HSF2: variants seen among roughly 807,000 people sequenced by gnomAD.
HSF2 encodes the protein heat shock transcription factor 2, also known as heat shock factor protein 2.
A neutral mutation model predicts 65.0 loss-of-function variants in HSF2; 21 were observed. That is an observed-to-expected ratio of 0.32 (90% CI 0.23 to 0.47). The LOEUF is 0.47. Ranked by LOEUF, HSF2 falls within the 20% of genes least tolerant of loss-of-function variation. The probability of loss-of-function intolerance (pLI) is 1.00; values close to 1 mark genes in which losing one functional copy is unlikely to be tolerated. For synonymous variants in HSF2, 225 were observed against 219.1 expected, an observed-to-expected ratio of 1.03 and a Z score of -0.24; for missense variants, 499 against 628.1, an observed-to-expected ratio of 0.79 and a Z score of 2.20.
In HSF2 at chr6:122,399,652, G is replaced by C; in HGVS notation, c.-86G>C. 5 of 991,764 alleles carry C rather than the reference G, an allele frequency of 5.0e-6. No individual in the cohort carries two copies. Among genetic ancestry groups the C allele is most frequent in the Non-Finnish European group, 7.6e-6 (5 of 656,156 alleles). 61.4% of individuals were successfully genotyped at this position (991,764 alleles called of 1,614,324 possible). ...GATCTGCTGCGCCTGCGTTGTGGGC[G>C]TTCTCGGGGAGCTGCTGCCGTAGCT... is the stretch of plus-strand genomic sequence containing the variant. On this transcript the variant is annotated 5_prime_UTR_variant, in exon 1 of 13. Transcript: ENST00000368455.
At position 122,416,322 on chromosome 6, in the gene HSF2, A is replaced by T. The variant is rs768281330; in HGVS notation, c.531+26A>T. ...GTAAGAAGCTCTTTTCCCCAGGACC[A>T]TAATTTGCATTTGTTTAATGAGTAC... On this transcript the variant is annotated intron_variant, in intron 5 of 12. Transcript: ENST00000368455. The T allele has an allele frequency of 3.9e-6, 6 of 1,536,058 alleles. No individual in the cohort carries two copies. In the Admixed American group the frequency reaches 1.0e-4, roughly 26 times the overall value.
intron 5 of HSF2, among the ~76,000 whole-genome samples, chr6:122,417,895 C>G (rs1017012797): frequency 1.3e-5 from 2 of 152,146 alleles, no homozygotes; most frequent in African/African-American, 2.4e-5. Flanking sequence ...TTAACATTTT[C>G]TCTTGAATAA....
rs754350285 is a variant in HSF2, at chr6:122,422,950, T to C, written c.1063T>C (p.Leu355=). 3 of 1,613,450 alleles carry C rather than the reference T, an allele frequency of 1.9e-6. No individual in the cohort carries two copies. Among genetic ancestry groups the C allele is most frequent in the East Asian group, 2.2e-5 (1 of 44,864 alleles). Residue 355 remains leucine, a synonymous_variant, in exon 9 of 13, where the codon TTG becomes CTG. Coordinates refer to ENST00000368455, the MANE Select transcript of HSF2 (RefSeq NM_004506.4). ...DSILNDNINL[L]GKVELLDYLD... The stretch of plus-strand genomic sequence containing the variant: ...CATTTTGAATGATAACATCAATCTT[T>C]TGGGAAAGTGAGTGCTTATCTAGAT...
chr6:122,432,049 C>CT lies in HSF2; in HGVS notation c.1440_1441insT (p.Ile481TyrfsTer4). 1 of 1,614,034 alleles carries CT rather than the reference C, an allele frequency of 6.2e-7. No homozygotes were observed. The highest frequency in any genetic ancestry group is 8.5e-7 in the Non-Finnish European group (1 of 1,179,978). ...AAGTTTTGTCCTCTGTAGATAAACC[C>CT]ATAGAAGTTGATGAGCTTCTGGATA... On this transcript the variant is annotated frameshift_variant, in exon 13 of 13. Coordinates refer to ENST00000368455, the MANE Select transcript of HSF2 (RefSeq NM_004506.4). LOFTEE classifies it high-confidence loss of function.
intron 1 of HSF2, among the ~76,000 whole-genome samples, chr6:122,409,440 G>A (rs985538387): frequency 6.6e-6 from 1 of 151,912 alleles, no homozygotes; most frequent in Non-Finnish European, 1.5e-5. Flanking sequence ...TGGAGAAGGG[G>A]GGTTTAAAAT....
chr6:122,414,166 T>C (rs1774069540), intron 4 of HSF2, among the ~76,000 whole-genome samples: 1 of 152,178 alleles, frequency 6.6e-6, no homozygotes, highest in South Asian at 2.1e-4. Flanking sequence ...AAAAGTGTTA[T>C]TCAGAGCTTT....
chr6:122,418,924 A>C (rs934783099), intron 5 of HSF2, among the ~76,000 whole-genome samples: 11 of 152,172 alleles, frequency 7.2e-5, no homozygotes, highest in Non-Finnish European at 1.5e-4. Context: ...ACTTGAAGTA[A>C]AAAAGTTGGG....
chr6:122,420,658 C>T (rs546762010), intron 7 of HSF2, among the ~76,000 whole-genome samples: 206 of 56,650 alleles, frequency 3.6e-3, no homozygotes, highest in African/African-American at 0.012. Context: ...CTTGATGTTG[C>T]TTTTGAGATT....
chr6:122,417,298 T>G (rs1326430374), intron 5 of HSF2, among the ~76,000 whole-genome samples: 1 of 152,182 alleles, frequency 6.6e-6, no homozygotes, highest in Non-Finnish European at 1.5e-5. Flanking sequence ...AAACAATAGA[T>G]GTACCTTAAC....
chr6:122,404,404 A>G (rs1312562309), intron 1 of HSF2, among the ~76,000 whole-genome samples: 1 of 152,190 alleles, frequency 6.6e-6, no homozygotes, highest in Non-Finnish European at 1.5e-5. Context: ...AAGTTGAAAG[A>G]TTGATTTTCA....
At chr6:122,417,974 AT>A (rs1386139823) in intron 5 of HSF2, among the ~76,000 whole-genome samples, 2 of 152,074 alleles carry the variant, frequency 1.3e-5, no homozygotes, top group Non-Finnish European at 2.9e-5. Context: ...AAATGTCTAT[AT>A]TTTTTTCCAT....
intron 10 of HSF2, among the ~76,000 whole-genome samples, chr6:122,426,159 G>C (rs1359326086): frequency 6.6e-6 from 1 of 151,942 alleles, no homozygotes; most frequent in Non-Finnish European, 1.5e-5. Context: ...GAATTACGCT[G>C]TATTGTCATA....
chr6:122,401,253 A>G (rs763927926), intron 1 of HSF2, among the ~76,000 whole-genome samples: 5 of 152,232 alleles, frequency 3.3e-5, no homozygotes, highest in Non-Finnish European at 5.9e-5. Context: ...ACTAGCATGT[A>G]CTTAAAATAA....
chr6:122,422,137 T>G lies in HSF2; in HGVS notation c.682-13T>G. 1 of 1,553,472 alleles carries G rather than the reference T, an allele frequency of 6.4e-7. No homozygotes were observed. Among genetic ancestry groups the G allele is most frequent in the Non-Finnish European group, 8.7e-7 (1 of 1,147,644 alleles). ...TTTGATTTTTAGATATATTTTTCTC[T>G]CTGAATTTTTAGGTTCCACACAGTA... On this transcript the variant is annotated splice_polypyrimidine_tract_variant and intron_variant, in intron 7 of 12. Coordinates refer to ENST00000368455, the MANE Select transcript of HSF2 (RefSeq NM_004506.4).
chr6:122,400,477 T>A (rs1025525708), intron 1 of HSF2, among the ~76,000 whole-genome samples: 2 of 152,234 alleles, frequency 1.3e-5, no homozygotes, highest in Non-Finnish European at 2.9e-5. Flanking sequence ...TTATTAGGAT[T>A]GTTTTAATAA....
intron 8 of HSF2, among the ~76,000 whole-genome samples, 160 bp from the exon 9 acceptor site, chr6:122,422,558 A>C (rs187195922): frequency 2.6e-5 from 4 of 152,194 alleles, no homozygotes; most frequent in Non-Finnish European, 4.4e-5. Context: ...ATGGTCTTCT[A>C]TACTATGAAG....
At chr6:122,419,779 G>T (rs1291702914) in intron 6 of HSF2, among the ~76,000 whole-genome samples, 1 of 152,074 alleles carries the variant, frequency 6.6e-6, no homozygotes, top group African/African-American at 2.4e-5. Flanking sequence ...TATGATCAGA[G>T]CTTTATGGCC....
rs1774507264 is a variant in HSF2, at chr6:122,432,836, CG to C, written c.*621del. The C allele has an allele frequency of 6.6e-6, 1 of 152,140 alleles. No homozygotes were observed. The highest frequency in any genetic ancestry group is 2.4e-5 in the African/African-American group (1 of 41,400). 9.4% of individuals were successfully genotyped at this position (152,140 alleles called of 1,614,324 possible). A position where few individuals can be genotyped will look rare whatever the true frequency, so the allele number is the denominator to read the frequency against. On this transcript the variant is annotated 3_prime_UTR_variant, in exon 13 of 13. Coordinates refer to ENST00000368455, the MANE Select transcript of HSF2 (RefSeq NM_004506.4). Reference sequence around the variant, plus strand: ...TCCAGCTCCATATATATAGAAAGATCGGGGGTGGGATGGGATGGAGTGAGCC... The same window carrying C: ...TCCAGCTCCATATATATAGAAAGATCGGGGTGGGATGGGATGGAGTGAGCC...
At chr6:122,420,700 CTTTTTTTTTTTTTTTTTTTT>C (rs59305295) in intron 7 of HSF2, among the ~76,000 whole-genome samples, 1 of 28,572 alleles carries the variant, frequency 3.5e-5, no homozygotes, top group African/African-American at 1.4e-4. Context: ...TTATTCATTT[CTTTTTTTTTTTTTTTTTTTT>C]TTTTTTTTTG....
Sources: allele counts gnomAD v4.1 joint callset (sites outside exome capture counted in the v4.1 genomes callset), GRCh38; gene constraint gnomAD v4.1.1; transcripts MANE v1.5; gene names NCBI Gene and HGNC (gene_info 2026-07-23, HGNC 2026-07-21).